Variants in TRPM2 observed in about 807,000 individuals in gnomAD.
The protein encoded by TRPM2 is estrogen-responsive element-associated gene 1 protein.
TRPM2 carries 161 observed loss-of-function variants against 174.0 expected under a neutral mutation model. That is an observed-to-expected ratio of 0.93 (90% CI 0.81 to 1.05). The LOEUF (loss-of-function observed/expected upper bound fraction) is 1.05, where lower values mean the gene tolerates loss of function less well. TRPM2 is among the 50% of genes least tolerant of loss of function. The pLI is 0.00. For synonymous variants in TRPM2, 954 were observed against 861.3 expected, an observed-to-expected ratio of 1.11 and a Z score of -1.88; for missense variants, 2,057 against 2,038.0, an observed-to-expected ratio of 1.01 and a Z score of -0.18.
chr21:44,369,411 T>C (rs1170562406), intron 5 of TRPM2, 68 bp downstream of exon 5: 203 of 1,499,690 alleles, frequency 1.4e-4, no homozygotes, highest in South Asian at 6.4e-4. Flanking sequence ...CTGGGCGCTG[T>C]GGGGAGCAGG....
chr21:44,394,523 G>A (rs542261418), intron 11 of TRPM2, among the ~76,000 whole-genome samples: 23 of 151,808 alleles, frequency 1.5e-4, no homozygotes, highest in Admixed American at 3.3e-4. Flanking sequence ...GTTTCACTGC[G>A]TTAGCCAGGA....
intron 16 of TRPM2, among the ~76,000 whole-genome samples, chr21:44,404,233 A>G (rs1282940519): frequency 6.6e-6 from 1 of 152,088 alleles, no homozygotes; most frequent in Non-Finnish European, 1.5e-5. Flanking sequence ...ACACATACAC[A>G]TGCACACACA....
At chr21:44,392,493 G>A (rs573511581) in intron 11 of TRPM2, among the ~76,000 whole-genome samples, 43 of 151,092 alleles carry the variant, frequency 2.8e-4, no homozygotes, top group Non-Finnish European at 4.6e-4. Flanking sequence ...CTCAAACTCC[G>A]GGGCTCAAGT....
chr21:44,363,498 C>T (rs1000475714), intron 2 of TRPM2, among the ~76,000 whole-genome samples: 2 of 152,114 alleles, frequency 1.3e-5, no homozygotes, highest in Non-Finnish European at 2.9e-5. Flanking sequence ...TCAGTTACTG[C>T]ATTTTTCAGC....
intron 2 of TRPM2, among the ~76,000 whole-genome samples, chr21:44,363,212 G>T (rs2048267771): frequency 6.6e-6 from 1 of 152,154 alleles, no homozygotes; most frequent in East Asian, 1.9e-4. Context: ...TGTCAAATAT[G>T]GGAAATTTTG....
At chr21:44,396,555 AGGCTGTG>A (rs2049414730) in intron 12 of TRPM2, among the ~76,000 whole-genome samples, 1 of 8,274 alleles carries the variant, frequency 1.2e-4, no homozygotes, top group African/African-American at 6.8e-4. Flanking sequence ...AGGGGTGTGG[AGGCTGTG>A]AAGGGGTGTG....
intron 19 of TRPM2, among the ~76,000 whole-genome samples, chr21:44,407,141 T>TCCTCCCTCCCTC (rs1569078958): frequency 1.1e-5 from 1 of 88,592 alleles, no homozygotes; most frequent in African/African-American, 4.6e-5. Context: ...ATTCCTCCCT[T>TCCTCCCTCCCTC]CCTCCCTTCC....
chr21:44,420,021 C>T lies in TRPM2; in HGVS notation c.3461+1466C>T, dbSNP rs1169199817. On this transcript the variant is annotated intron_variant, in intron 22 of 31. Transcript: ENST00000397928. ...GTGATTATGATGGCAATAGTAATGA[C>T]GATGGTGACAATGTGAGGACCTTAA... Among the ~76,000 whole-genome samples, 4 of 151,876 alleles carry T rather than the reference C, an allele frequency of 2.6e-5. No homozygotes were observed. In the South Asian group the frequency reaches 6.2e-4, roughly 24 times the overall value.
intron 23 of TRPM2, among the ~76,000 whole-genome samples, chr21:44,424,315 C>T (rs545850286): frequency 6.6e-6 from 1 of 152,350 alleles, no homozygotes; most frequent in East Asian, 1.9e-4. Flanking sequence ...CTGCCCGTTG[C>T]ACCCAGGGGT....
chr21:44,389,328 C>T (rs907335104), intron 9 of TRPM2, among the ~76,000 whole-genome samples: 1 of 152,092 alleles, frequency 6.6e-6, no homozygotes, highest in African/African-American at 2.4e-5. Context: ...TTCCATTCAT[C>T]TGTTGGGGTG....
chr21:44,357,151 C>T (rs2048083875), intron 2 of TRPM2, among the ~76,000 whole-genome samples: 1 of 152,194 alleles, frequency 6.6e-6, no homozygotes, highest in African/African-American at 2.4e-5. Flanking sequence ...CCTCATTTCA[C>T]CCAGCGCCTA....
intron 11 of TRPM2, among the ~76,000 whole-genome samples, chr21:44,393,843 C>G (rs1236345818): frequency 6.6e-6 from 1 of 151,310 alleles, no homozygotes; most frequent in Non-Finnish European, 1.5e-5. Flanking sequence ...CTGTCTGACT[C>G]TTGAGAAAGA....
chr21:44,427,136 G>A (rs377588452), intron 27 of TRPM2, 25 bp downstream of exon 27: 58 of 1,540,014 alleles, frequency 3.8e-5, no homozygotes, highest in South Asian at 3.5e-4. Flanking sequence ...TGCGGGCCCC[G>A]CCCCGTCAGC....
In TRPM2 at chr21:44,424,952, C is replaced by G; in HGVS notation, c.3637+13C>G. 1 of 1,590,286 alleles carries G rather than the reference C, an allele frequency of 6.3e-7. No homozygotes were observed. The highest frequency in any genetic ancestry group is 8.5e-7 in the Non-Finnish European group (1 of 1,170,608). On this transcript the variant is annotated intron_variant, in intron 24 of 31. Transcript: ENST00000397928. ...GTCCCCACTCTGGGTGAGTGGGTGG[C>G]CAGGCCAGCAGCTGGTCTCCAGCCG...
Position 44,354,480 on chromosome 21 carries a change from C to T in TRPM2, c.166-168C>T, listed in dbSNP as rs45563034. Among the ~76,000 whole-genome samples, 784 of 152,314 alleles carry T rather than the reference C, an allele frequency of 5.1e-3. 4 individuals are homozygous for T. Among genetic ancestry groups the T allele is most frequent in the African/African-American group, 0.017 (721 of 41,564 alleles). On this transcript the variant is annotated intron_variant, in intron 1 of 31. Transcript: ENST00000397928. This position sits in a 1 kb window ranked among gnomAD's most constrained non-coding sequence, Gnocchi z 4.3. ...TCATTCCTCCCTCCTGAATCCCCAC[C>T]GGAGAGTCTTGGCAAGGTGCTTCTA... is the stretch of plus-strand genomic sequence containing the variant.
intron 27 of TRPM2, among the ~76,000 whole-genome samples, chr21:44,428,018 C>T (rs1200487869): frequency 1.3e-5 from 2 of 152,130 alleles, no homozygotes; most frequent in East Asian, 1.9e-4. Flanking sequence ...CACCTGCTCT[C>T]ACGGGTGGCT....
intron 5 of TRPM2, among the ~76,000 whole-genome samples, chr21:44,373,120 T>C (rs1378308560): frequency 6.6e-6 from 1 of 152,076 alleles, no homozygotes; most frequent in Non-Finnish European, 1.5e-5. Flanking sequence ...TGAATTGCAG[T>C]CTCCTTGCCT....
chr21:44,406,854 CG>C, intron 19 of TRPM2, 89 bp downstream of exon 19: 1 of 1,487,954 alleles, frequency 6.7e-7, no homozygotes. Context: ...GGAGTGAGGC[CG>C]GCTCCATCAG....
chr21:44,402,345 G>T (rs895328110), intron 16 of TRPM2, among the ~76,000 whole-genome samples: 1 of 152,188 alleles, frequency 6.6e-6, no homozygotes, highest in Non-Finnish European at 1.5e-5. Flanking sequence ...AACCAGCCAG[G>T]GGGAGGGACG....
Sources: allele counts gnomAD v4.1 joint callset (sites outside exome capture counted in the v4.1 genomes callset), GRCh38; gene constraint gnomAD v4.1.1; non-coding constraint Gnocchi (gnomAD v3.1); transcripts MANE v1.5; gene names NCBI Gene and HGNC (gene_info 2026-07-23, HGNC 2026-07-21).